The following TMEM223 variants were observed in gnomAD, a reference collection of about 807,000 sequenced individuals.
The protein encoded by TMEM223 is transmembrane protein 223.
Under a neutral mutation model 14.1 loss-of-function variants are expected in TMEM223, and 14 were observed. The ratio of observed to expected loss-of-function variants is 0.99; its 90% CI spans 0.66 to 1.55. The LOEUF (loss-of-function observed/expected upper bound fraction) is 1.55. TMEM223 is among the 40% of genes most tolerant of loss of function. The pLI is 0.00. For missense variants in TMEM223, 346 were observed against 269.9 expected (o/e 1.28, Z -1.97); for synonymous variants, 145 against 120.5 (o/e 1.20, Z -1.33).
At chr11:62,788,411 A>C (rs186419540), downstream of TMEM223, among the ~76,000 whole-genome samples, 2 of 150,696 alleles carry the variant, frequency 1.3e-5, no homozygotes, top group African/African-American at 2.4e-5. Context: ...CAAAAACAAA[A>C]ACAAAAACAC....
At chr11:62,789,240 T>C (rs747256834), downstream of TMEM223, 2 of 1,613,918 alleles carry the variant, frequency 1.2e-6, no homozygotes, top group South Asian at 1.1e-5. Context: ...GGCCAGGGGC[T>C]GAGGTAGGAT....
intron 1 of TMEM223, chr11:62,781,784 T>TTAAAATTG: frequency 1.0e-6 from 1 of 965,836 alleles, no homozygotes; most frequent in East Asian, 2.5e-5. Context: ...AATATGAACA[T>TTAAAATTG]TAAAATTGTA....
intron 1 of TMEM223, among the ~76,000 whole-genome samples, chr11:62,775,274 A>G (rs2084178460): frequency 6.6e-6 from 1 of 152,172 alleles, no homozygotes; most frequent in African/African-American, 2.4e-5. Flanking sequence ...ACTCACTATC[A>G]GGAGAACAGC....
intron 1 of TMEM223, chr11:62,781,995 AATGTTTT>A: frequency 6.2e-7 from 1 of 1,612,272 alleles, no homozygotes; most frequent in Non-Finnish European, 8.5e-7. Context: ...GGACAGGGAG[AATGTTTT>A]ATAAGGAAGA....
downstream of TMEM223, chr11:62,786,131 A>G (rs557428192): frequency 3.3e-4 from 388 of 1,179,404 alleles, no homozygotes; most frequent in Non-Finnish European, 4.4e-4. Context: ...GAATATGCCA[A>G]TCAGGGAATT....
intron 2 of TMEM223, among the ~76,000 whole-genome samples, chr11:62,773,456 T>G (rs1422833893): frequency 6.6e-6 from 1 of 151,064 alleles, no homozygotes; most frequent in Non-Finnish European, 1.5e-5. Flanking sequence ...CAATTTTTTT[T>G]TTTTTTTTGA....
rs2084350232 is a variant in TMEM223 at position 62,790,674 on chromosome 11, G to C, written c.558C>G (p.Phe186Leu). The change falls in exon 2 of 2, where the codon TTC becomes TTG. Residue 186 changes from phenylalanine to leucine, a missense_variant. Phe to Leu is a conservative substitution (Grantham distance 22, BLOSUM62 0). Coordinates refer to ENST00000307366, the MANE Select transcript of TMEM223 (RefSeq NM_001080501.3). ...TATTGTCAAAGAGTTTTGTGTTAGG[G>C]AAGTGTCCAGTTTTGTCCAAGAGGA... ...FYFLLDKTGH[F>L]PNTKLFDNTV... 1 of 1,612,220 alleles carries C rather than the reference G, an allele frequency of 6.2e-7. No homozygotes were observed. The highest frequency in any genetic ancestry group is 1.1e-5 in the South Asian group (1 of 90,754).
chr11:62,790,324 G>C lies in TMEM223; in HGVS notation c.*299C>G, dbSNP rs1028735749. 5.5e-6 allele frequency: 3 copies of C among 541,466 alleles called. No homozygotes were observed. The highest frequency in any genetic ancestry group is 6.4e-6 in the Non-Finnish European group (2 of 311,894). 33.5% of individuals were successfully genotyped at this position (541,466 alleles called of 1,614,324 possible). A position where few individuals can be genotyped will look rare whatever the true frequency, so the allele number is the denominator to read the frequency against. On this transcript the variant is annotated 3_prime_UTR_variant, in exon 2 of 2. Coordinates refer to ENST00000307366, the MANE Select transcript of TMEM223 (RefSeq NM_001080501.3). ...CTAAGCAGACATGGACTGAAACTTA[G>C]AGGTACTGTTAGGCAGCTGCCCTAG... is the stretch of plus-strand genomic sequence containing the variant.
downstream of TMEM223, chr11:62,782,617 C>A (rs913612843): frequency 1.3e-6 from 2 of 1,575,302 alleles, no homozygotes; most frequent in Admixed American, 3.4e-5. Flanking sequence ...AGATGCTATT[C>A]TCTTTGTGTT....
chr11:62,787,547 T>C (rs1299753215), downstream of TMEM223: 7 of 1,535,536 alleles, frequency 4.6e-6, no homozygotes, highest in Non-Finnish European at 6.1e-6. Context: ...CGGGGCGGGG[T>C]CAGGTAGGCG....
At chr11:62,778,601 T>G (rs1182315728) in intron 1 of TMEM223, 1 of 615,070 alleles carries the variant, frequency 1.6e-6, no homozygotes, top group Admixed American at 2.8e-5. Flanking sequence ...ACCCCCAGGG[T>G]ATGCTGAGCA....
At chr11:62,787,429 G>C (rs1239658911), downstream of TMEM223, 2 of 1,561,416 alleles carry the variant, frequency 1.3e-6, no homozygotes, top group African/African-American at 2.7e-5. Context: ...TGGTCAGGGC[G>C]CCATGGCGCT....
chr11:62,790,958 C>CAG (rs1366129190), intron 1 of TMEM223, 43 bp from the exon 2 acceptor site: 1 of 1,481,554 alleles, frequency 6.7e-7, no homozygotes, highest in African/African-American at 1.4e-5. Flanking sequence ...TTTCACTGGG[C>CAG]ATCTAAGTAC....
chr11:62,789,334 A>G (rs1457851858), downstream of TMEM223: 1 of 1,613,662 alleles, frequency 6.2e-7, no homozygotes, highest in Non-Finnish European at 8.5e-7. Flanking sequence ...TCTCAGCTAT[A>G]GCCGTCTTCC....
chr11:62,777,886 C>T, intron 1 of TMEM223: 2 of 1,448,388 alleles, frequency 1.4e-6, no homozygotes, highest in South Asian at 2.7e-5. Flanking sequence ...CAAACGTGGG[C>T]TCTCTGCTCT....
chr11:62,779,511 G>A (rs996253957), intron 1 of TMEM223, among the ~76,000 whole-genome samples: 1 of 151,742 alleles, frequency 6.6e-6, no homozygotes, highest in Non-Finnish European at 1.5e-5. Flanking sequence ...TTTTAATAGA[G>A]ACGGGGGTTT....
chr11:62,781,934 C>T lies in TMEM223; in HGVS notation c.315-7269G>A, dbSNP rs776824631. 2 of 1,614,152 alleles carry T rather than the reference C, an allele frequency of 1.2e-6. No individual in the cohort carries two copies. Among genetic ancestry groups the T allele is most frequent in the East Asian group, 2.2e-5 (1 of 44,882 alleles). On this transcript the variant is annotated intron_variant, in intron 1 of 2. Coordinates refer to the TMEM223 transcript ENST00000528367. ...TTGCAGACGAACTCCAAGATTGGGG[C>T]ACTCCTGCCTTACTTTGTTTATGTG...
chr11:62,786,905 TAGTC>T (rs757949386), downstream of TMEM223: 11 of 1,521,186 alleles, frequency 7.2e-6, no homozygotes, highest in South Asian at 1.2e-5. Flanking sequence ...GCAAGCGCCA[TAGTC>T]AGCCCGCACG....
At chr11:62,787,006 G>C, downstream of TMEM223, 1 of 1,484,348 alleles carries the variant, frequency 6.7e-7, no homozygotes, top group South Asian at 1.3e-5. Context: ...CTTGCCGCGC[G>C]TGCATCGGGC....
Sources: allele counts gnomAD v4.1 joint callset (sites outside exome capture counted in the v4.1 genomes callset), GRCh38; gene constraint gnomAD v4.1.1; transcripts MANE v1.5; gene names NCBI Gene and HGNC (gene_info 2026-07-23, HGNC 2026-07-21).